Variants in MEGF10 observed in about 807,000 individuals in gnomAD.
MEGF10 encodes multiple EGF like domains 10, also known as multiple epidermal growth factor-like domains protein 10.
Under a neutral mutation model 147.5 loss-of-function variants are expected in MEGF10, and 86 were observed. The ratio of observed to expected loss-of-function variants is 0.58; its 90% CI spans 0.49 to 0.70. The LOEUF is 0.70. MEGF10 is among the 30% of genes least tolerant of loss of function. The probability of loss-of-function intolerance (pLI) is 0.00; values close to 1 mark genes in which losing one functional copy is unlikely to be tolerated. For missense variants in MEGF10, 1,329 were observed against 1,487.3 expected (o/e 0.89, Z 1.75); for synonymous variants, 478 against 525.5 (o/e 0.91, Z 1.24).
intron 13 of MEGF10, 53 bp downstream of exon 13, chr5:127,422,825 A>G (rs1765069082): frequency 3.8e-6 from 5 of 1,311,500 alleles, no homozygotes; most frequent in Admixed American, 1.8e-5. Context: ...TTTAACACCT[A>G]GTGCTGTTCC....
At chr5:127,297,999 C>T (rs1759586293) in intron 1 of MEGF10, among the ~76,000 whole-genome samples, 1 of 152,168 alleles carries the variant, frequency 6.6e-6, no homozygotes, top group Admixed American at 6.5e-5. Flanking sequence ...TTAAAATGAT[C>T]CGAAGCCACT....
chr5:127,437,607 A>G (rs1202052208), intron 16 of MEGF10, among the ~76,000 whole-genome samples: 1 of 152,136 alleles, frequency 6.6e-6, no homozygotes, highest in Non-Finnish European at 1.5e-5. Flanking sequence ...AAATTATTTT[A>G]CCCCCTGATC....
At chr5:127,375,068 C>CA (rs1184815876) in intron 5 of MEGF10, among the ~76,000 whole-genome samples, 1 of 152,202 alleles carries the variant, frequency 6.6e-6, no homozygotes, top group Non-Finnish European at 1.5e-5. Context: ...CCTCGGGTTC[C>CA]AGACCTAGGT....
intron 1 of MEGF10, among the ~76,000 whole-genome samples, chr5:127,323,921 C>T (rs984398059): frequency 5.9e-5 from 9 of 152,128 alleles, no homozygotes; most frequent in South Asian, 4.1e-4. Context: ...CTTGAGCATC[C>T]GAATATCATA....
intron 17 of MEGF10, among the ~76,000 whole-genome samples, chr5:127,439,695 C>T (rs1765687400): frequency 6.6e-6 from 1 of 152,182 alleles, no homozygotes; most frequent in African/African-American, 2.4e-5. Context: ...ATAGTGGGAA[C>T]AACATGGGGT....
At chr5:127,304,269 G>A (rs1240731260) in intron 1 of MEGF10, among the ~76,000 whole-genome samples, 1 of 152,188 alleles carries the variant, frequency 6.6e-6, no homozygotes, top group Non-Finnish European at 1.5e-5. Flanking sequence ...CCTGAATCAA[G>A]AAGTCTTTTG....
intron 5 of MEGF10, among the ~76,000 whole-genome samples, chr5:127,393,004 G>A (rs926504694): frequency 6.6e-6 from 1 of 152,280 alleles, no homozygotes; most frequent in East Asian, 1.9e-4. Context: ...AAAATGAGTC[G>A]GCACTTGCTC....
chr5:127,250,195 AC>A, the MEGF10 span, among the ~76,000 whole-genome samples: 3 of 152,098 alleles, frequency 2.0e-5, no homozygotes, highest in African/African-American at 7.2e-5. Context: ...GAGGATTGTT[AC>A]TATAGATTAA....
the MEGF10 span, among the ~76,000 whole-genome samples, chr5:127,249,140 T>C: frequency 4.6e-5 from 7 of 152,022 alleles, no homozygotes; most frequent in Admixed American, 1.3e-4. Flanking sequence ...GCGTTGTGGC[T>C]TGGGTACTGT....
At chr5:127,269,379 T>C in the MEGF10 span, among the ~76,000 whole-genome samples, 3 of 152,120 alleles carry the variant, frequency 2.0e-5, no homozygotes. Context: ...ATAACCAGTG[T>C]AGAGAAGTCC....
chr5:127,350,737 A>G (rs1156673455), intron 4 of MEGF10, among the ~76,000 whole-genome samples: 1 of 152,210 alleles, frequency 6.6e-6, no homozygotes, highest in African/African-American at 2.4e-5. Flanking sequence ...GGCCACTTCA[A>G]AAAAGACATA....
At chr5:127,345,184 A>C (rs141629924) in intron 4 of MEGF10, among the ~76,000 whole-genome samples, 628 of 152,210 alleles carry the variant, frequency 4.1e-3, no homozygotes, top group Middle Eastern at 0.01. Flanking sequence ...AGCTGTGGAG[A>C]TTCTTGGAGA....
Position 127,419,353 on chromosome 5 carries a change from G to T in MEGF10, c.1426+113G>T. 2.3e-6 allele frequency: 3 copies of T among 1,302,852 alleles called. No individual in the cohort carries two copies. In the East Asian group the frequency reaches 7.1e-5, roughly 31 times the overall value. The allele number at this position is 1,302,852 out of a possible 1,614,324, so 80.7% of individuals were successfully genotyped here. The stretch of plus-strand genomic sequence containing the variant: ...AGCTCCAGTTGCACCAAAATTCAGT[G>T]TCTGACCTCCGCAAGCCCCTCATCC... On this transcript the variant is annotated intron_variant, in intron 11 of 24. Coordinates refer to ENST00000503335, the MANE Select transcript of MEGF10 (RefSeq NM_001256545.2).
the MEGF10 span, among the ~76,000 whole-genome samples, chr5:127,235,150 AC>A: frequency 3.3e-5 from 5 of 152,274 alleles, no homozygotes; most frequent in East Asian, 9.7e-4. Flanking sequence ...CTGGCCTCCA[AC>A]TTGCATATCT....
At chr5:127,301,567 T>C (rs575116686) in intron 1 of MEGF10, among the ~76,000 whole-genome samples, 1 of 152,160 alleles carries the variant, frequency 6.6e-6, no homozygotes, top group East Asian at 1.9e-4. Context: ...GACAAGATTC[T>C]GATGTTCTGG....
intron 5 of MEGF10, among the ~76,000 whole-genome samples, chr5:127,389,307 G>T (rs968945352): frequency 7.2e-5 from 11 of 152,182 alleles, no homozygotes; most frequent in African/African-American, 2.7e-4. Context: ...TGGGAAAAGG[G>T]AATACCCTGT....
chr5:127,306,720 A>G (rs1760029169), intron 1 of MEGF10, among the ~76,000 whole-genome samples: 1 of 152,246 alleles, frequency 6.6e-6, no homozygotes, highest in Non-Finnish European at 1.5e-5. Context: ...TGAAGGCCCA[A>G]TGGGGAACCC....
chr5:127,247,467 G>GAAGAAGAAGAAGAAGAAGAAAGAAC, the MEGF10 span, among the ~76,000 whole-genome samples: 4 of 117,140 alleles, frequency 3.4e-5, 2 homozygotes, highest in Admixed American at 1.7e-4. Flanking sequence ...AGAAGAAGAA[G>GAAGAAGAAGAAGAAGAAGAAAGAAC]AAGAAGAAGA....
At chr5:127,445,950 A>G (rs914919646) in intron 20 of MEGF10, among the ~76,000 whole-genome samples, 5 of 152,172 alleles carry the variant, frequency 3.3e-5, no homozygotes, top group South Asian at 4.1e-4. Context: ...GGGAATTTCA[A>G]TCCATAAGGA....
Sources: allele counts gnomAD v4.1 joint callset (sites outside exome capture counted in the v4.1 genomes callset), GRCh38; gene constraint gnomAD v4.1.1; transcripts MANE v1.5; gene names NCBI Gene and HGNC (gene_info 2026-07-23, HGNC 2026-07-21).